CCNY: variants seen among roughly 807,000 people sequenced by gnomAD.
CCNY encodes cyclin Y.
CCNY carries 19 observed loss-of-function variants against 42.8 expected under a neutral mutation model. That is an observed-to-expected ratio of 0.44 (90% CI 0.31 to 0.65). The LOEUF (loss-of-function observed/expected upper bound fraction) is 0.65. Ranked by LOEUF, CCNY falls within the 30% of genes least tolerant of loss-of-function variation. The pLI is 0.07. For missense variants in CCNY, 370 were observed against 437.3 expected, an observed-to-expected ratio of 0.85 and a Z score of 1.37; for synonymous variants, 165 against 162.7, an observed-to-expected ratio of 1.01 and a Z score of -0.11.
At chr10:35,520,026 A>G (rs776049470) in intron 4 of CCNY, among the ~76,000 whole-genome samples, 1 of 152,026 alleles carries the variant, frequency 6.6e-6, no homozygotes, top group Non-Finnish European at 1.5e-5. Flanking sequence ...TGGCCTCCCA[A>G]AGTGCTGAGA....
chr10:35,519,311 A>G (rs1300415273), intron 4 of CCNY, among the ~76,000 whole-genome samples: 2 of 151,932 alleles, frequency 1.3e-5, no homozygotes, highest in African/African-American at 4.8e-5. Context: ...TGGCTGAGGC[A>G]TTCTCTGGGT....
intron 3 of CCNY, among the ~76,000 whole-genome samples, chr10:35,275,804 GACCA>G (rs1346368733): frequency 6.6e-6 from 1 of 152,052 alleles, no homozygotes; most frequent in East Asian, 1.9e-4. Context: ...GTACATCCAT[GACCA>G]GAGGAATGAC....
intron 1 of CCNY, among the ~76,000 whole-genome samples, chr10:35,435,517 AAT>A (rs1446059429): frequency 3.9e-5 from 6 of 152,236 alleles, no homozygotes; most frequent in Non-Finnish European, 7.3e-5. Context: ...GAGGATAAGT[AAT>A]ATGAGAGATG....
chr10:35,562,670 A>G (rs1386009110), intron 8 of CCNY, among the ~76,000 whole-genome samples: 1 of 152,198 alleles, frequency 6.6e-6, no homozygotes, highest in Non-Finnish European at 1.5e-5. Context: ...GGGCTGTATA[A>G]TACTTCACTG....
chr10:35,330,265 G>A (rs1835926840), intron 3 of CCNY, among the ~76,000 whole-genome samples: 1 of 152,326 alleles, frequency 6.6e-6, no homozygotes, highest in African/African-American at 2.4e-5. Flanking sequence ...CTGAAGAAGT[G>A]CTGTATTAAA....
At chr10:35,500,830 G>A (rs1369657896) in intron 2 of CCNY, among the ~76,000 whole-genome samples, 1 of 152,216 alleles carries the variant, frequency 6.6e-6, no homozygotes, top group Non-Finnish European at 1.5e-5. Context: ...CTCAGCACAG[G>A]CCATGCATGC....
At chr10:35,249,806 T>C (rs1263653897) in intron 2 of CCNY, among the ~76,000 whole-genome samples, 1 of 152,114 alleles carries the variant, frequency 6.6e-6, no homozygotes, top group Non-Finnish European at 1.5e-5. Flanking sequence ...TCCCAGCACT[T>C]TGGGAGACTG....
At chr10:35,544,677 C>T (rs1841075949) in intron 7 of CCNY, among the ~76,000 whole-genome samples, 2 of 152,204 alleles carry the variant, frequency 1.3e-5, no homozygotes, top group Admixed American at 6.5e-5. Context: ...TCCAGAGTCC[C>T]AGAAGGAAAG....
chr10:35,519,477 T>G (rs183896137), intron 4 of CCNY, among the ~76,000 whole-genome samples: 2 of 152,324 alleles, frequency 1.3e-5, no homozygotes, highest in East Asian at 3.9e-4. Context: ...ATACTGTGAG[T>G]ATCTGGATTT....
intron 1 of CCNY, among the ~76,000 whole-genome samples, chr10:35,412,524 G>C (rs949837384): frequency 4.0e-5 from 6 of 151,892 alleles, no homozygotes; most frequent in African/African-American, 9.7e-5. Flanking sequence ...CTCAGAGGAG[G>C]GGGGACATCC....
At chr10:35,441,467 A>G (rs765295698) in intron 1 of CCNY, among the ~76,000 whole-genome samples, 2 of 152,180 alleles carry the variant, frequency 1.3e-5, no homozygotes, top group Non-Finnish European at 2.9e-5. Context: ...GGGCTTTTCA[A>G]TGGAAAAAGC....
intron 1 of CCNY, among the ~76,000 whole-genome samples, chr10:35,349,877 C>T (rs1253481380): frequency 1.3e-5 from 2 of 152,226 alleles, no homozygotes; most frequent in Non-Finnish European, 2.9e-5. Context: ...CAGTGCCTTA[C>T]AGGCTCTAGG....
intron 9 of CCNY, 34 bp from the exon 10 acceptor site, chr10:35,569,020 C>T (rs762035172): frequency 2.5e-5 from 36 of 1,418,860 alleles, no homozygotes; most frequent in Middle Eastern, 1.8e-4. Context: ...AGATATGGCC[C>T]GCCCTGACCC....
intron 7 of CCNY, among the ~76,000 whole-genome samples, chr10:35,534,206 G>A (rs1840831147): frequency 1.3e-5 from 2 of 152,126 alleles, no homozygotes; most frequent in African/African-American, 2.4e-5. Flanking sequence ...TGAATTTTTA[G>A]TAGAGAAGGG....
chr10:35,419,740 A>T (rs1380468263), intron 1 of CCNY, among the ~76,000 whole-genome samples: 1 of 151,990 alleles, frequency 6.6e-6, no homozygotes, highest in Non-Finnish European at 1.5e-5. Context: ...GTCTCTCTTT[A>T]TATACGTTTA....
intron 1 of CCNY, among the ~76,000 whole-genome samples, chr10:35,453,636 C>T (rs1838966478): frequency 6.6e-6 from 1 of 152,202 alleles, no homozygotes; most frequent in Non-Finnish European, 1.5e-5. Context: ...AGTTGGGCAG[C>T]ATTTGGTAGG....
chr10:35,487,395 A>G (rs979095068), intron 2 of CCNY, among the ~76,000 whole-genome samples: 5 of 152,020 alleles, frequency 3.3e-5, no homozygotes, highest in Non-Finnish European at 5.9e-5. Flanking sequence ...TGCTGCTTGG[A>G]CCACAGACAT....
At chr10:35,564,162 G>A (rs1473545149) in intron 8 of CCNY, among the ~76,000 whole-genome samples, 2 of 141,254 alleles carry the variant, frequency 1.4e-5, no homozygotes, top group East Asian at 2.1e-4. Flanking sequence ...TTACAGGTGT[G>A]AGTGACCACA....
intron 1 of CCNY, among the ~76,000 whole-genome samples, chr10:35,456,153 A>G (rs1037292424): frequency 6.6e-6 from 1 of 152,068 alleles, no homozygotes; most frequent in Non-Finnish European, 1.5e-5. Flanking sequence ...TTGCACTCAC[A>G]CATGTGTTCA....
Sources: gnomAD v4.1 joint callset for allele counts (sites outside exome capture counted in the v4.1 genomes callset) on GRCh38, gnomAD v4.1.1 for gene constraint, MANE v1.5 for transcripts, NCBI Gene and HGNC (gene_info 2026-07-23, HGNC 2026-07-21) for gene names.